CCSER1: variants seen among roughly 807,000 people sequenced by gnomAD.
CCSER1 encodes coiled-coil serine rich protein 1, also known as serine-rich coiled-coil domain-containing protein 1.
CCSER1 carries 41 observed loss-of-function variants against 82.0 expected under a neutral mutation model. That is an observed-to-expected ratio of 0.50 (90% CI 0.39 to 0.65). The LOEUF (loss-of-function observed/expected upper bound fraction) is 0.65, where lower values mean the gene tolerates loss of function less well. Ranked by LOEUF, CCSER1 falls within the 30% of genes least tolerant of loss-of-function variation. The pLI is 0.00. For synonymous variants in CCSER1, 414 were observed against 383.9 expected (o/e 1.08, Z -0.92); for missense variants, 1,119 against 1,064.2 (o/e 1.05, Z -0.72).
intron 1 of CCSER1, among the ~76,000 whole-genome samples, chr4:90,278,058 A>C (rs573516654): frequency 6.6e-6 from 1 of 152,166 alleles, no homozygotes; most frequent in South Asian, 2.1e-4. Flanking sequence ...CTTACAATGG[A>C]CCCACAAGCT....
chr4:91,477,370 G>T (rs763174618), intron 10 of CCSER1, among the ~76,000 whole-genome samples: 1 of 151,552 alleles, frequency 6.6e-6, no homozygotes, highest in African/African-American at 2.4e-5. Flanking sequence ...ACTGAATTTT[G>T]GTTCTAGACC....
In CCSER1 at chr4:90,309,607, A is replaced by G. The variant is rs1216255868; in HGVS notation, c.1323A>G (p.Lys441=). ...ATGGATATGAAGCAAATCCTGCCAA[A>G]GGTATGCTGATTTTTTTTGTATAAC... ...TSHGYEANPA[K]VLASSLSPFR... The change falls in exon 2 of 11, where the codon AAA becomes AAG. Residue 441 remains lysine (K), a splice_region_variant and synonymous_variant. Transcript: ENST00000509176. The G allele has an allele frequency of 1.3e-6, 2 of 1,553,982 alleles. No homozygotes were observed. The highest frequency in any genetic ancestry group is 1.7e-6 in the Non-Finnish European group (2 of 1,154,622).
At chr4:91,134,376 G>A (rs1280144081) in intron 10 of CCSER1, among the ~76,000 whole-genome samples, 3 of 151,152 alleles carry the variant, frequency 2.0e-5, no homozygotes, top group Non-Finnish European at 2.9e-5. Flanking sequence ...CTGCACTCCT[G>A]CAACATTTCA....
intron 10 of CCSER1, among the ~76,000 whole-genome samples, chr4:91,538,626 C>A (rs1415595504): frequency 1.4e-5 from 2 of 144,352 alleles, no homozygotes; most frequent in Non-Finnish European, 3.0e-5. Flanking sequence ...TTCTCCCTGC[C>A]CCAAACAATC....
At chr4:91,076,400 G>T (rs2148784793) in intron 9 of CCSER1, among the ~76,000 whole-genome samples, 1 of 151,522 alleles carries the variant, frequency 6.6e-6, no homozygotes, top group East Asian at 1.9e-4. Flanking sequence ...GAAGAATCAT[G>T]ATGATTCATA....
chr4:91,469,837 T>G (rs1371814014), intron 10 of CCSER1, among the ~76,000 whole-genome samples: 1 of 152,218 alleles, frequency 6.6e-6, no homozygotes, highest in Non-Finnish European at 1.5e-5. Context: ...GATTTCCCAG[T>G]GCCCTCTACT....
intron 5 of CCSER1, among the ~76,000 whole-genome samples, chr4:90,626,471 C>T (rs577478662): frequency 3.5e-4 from 54 of 152,222 alleles, no homozygotes; most frequent in African/African-American, 1.2e-3. Flanking sequence ...CTGTATAGTT[C>T]GTTGCAATTA....
intron 3 of CCSER1, among the ~76,000 whole-genome samples, chr4:90,323,414 G>C (rs922235286): frequency 6.6e-6 from 1 of 152,202 alleles, no homozygotes; most frequent in African/African-American, 2.4e-5. Flanking sequence ...CTGGAGCTCA[G>C]ATTCCTACCC....
intron 1 of CCSER1, among the ~76,000 whole-genome samples, chr4:90,150,099 T>C (rs1015225394): frequency 6.6e-5 from 10 of 152,140 alleles, no homozygotes; most frequent in Non-Finnish European, 1.0e-4. Flanking sequence ...CAAACATGGA[T>C]TGAATATATT....
chr4:90,842,233 ATTGT>A (rs796741211), intron 8 of CCSER1, among the ~76,000 whole-genome samples: 3 of 152,308 alleles, frequency 2.0e-5, no homozygotes, highest in South Asian at 2.1e-4. Context: ...TAAAATGACA[ATTGT>A]TTATTACATT....
At chr4:90,235,177 C>T (rs1745546691) in intron 1 of CCSER1, 1 of 152,586 alleles carries the variant, frequency 6.6e-6, no homozygotes, top group African/African-American at 2.4e-5. Context: ...ACTGCAAGCC[C>T]TGCTGCTGCC....
intron 7 of CCSER1, among the ~76,000 whole-genome samples, chr4:90,782,681 C>CTTTTTTTTTTTTTTTTTTTTTTTTTTTTT (rs200701722): frequency 8.1e-6 from 1 of 123,978 alleles, no homozygotes. Context: ...TCTTTTCTTT[C>CTTTTTTTTTTTTTTTTTTTTTTTTTTTTT]TTTCTTTTTT....
At chr4:90,799,539 G>T (rs144714890) in intron 7 of CCSER1, among the ~76,000 whole-genome samples, 1 of 152,106 alleles carries the variant, frequency 6.6e-6, no homozygotes, top group Non-Finnish European at 1.5e-5. Flanking sequence ...GAAGCTATGG[G>T]CTCCCAAGTA....
chr4:90,169,156 C>T (rs377005518), intron 1 of CCSER1, among the ~76,000 whole-genome samples: 1 of 151,928 alleles, frequency 6.6e-6, no homozygotes, highest in Non-Finnish European at 1.5e-5. Flanking sequence ...TTTCATTGAG[C>T]AGTGGTTTGT....
At chr4:90,844,231 GAA>G (rs1491235246) in intron 8 of CCSER1, among the ~76,000 whole-genome samples, 1 of 151,310 alleles carries the variant, frequency 6.6e-6, no homozygotes. Flanking sequence ...GAGAGAGAGA[GAA>G]AGAGAGGAAG....
At chr4:91,436,829 C>A (rs1754684797) in intron 10 of CCSER1, among the ~76,000 whole-genome samples, 1 of 152,090 alleles carries the variant, frequency 6.6e-6, no homozygotes, top group African/African-American at 2.4e-5. Context: ...CAGAGCAGGA[C>A]AAAAAGCACA....
intron 10 of CCSER1, among the ~76,000 whole-genome samples, chr4:91,380,213 T>C (rs1326021088): frequency 1.3e-5 from 2 of 152,222 alleles, no homozygotes; most frequent in East Asian, 3.8e-4. Context: ...CTGAGAATAA[T>C]ATATATTCTG....
At chr4:90,445,093 A>G (rs1000912883) in intron 4 of CCSER1, among the ~76,000 whole-genome samples, 3 of 152,026 alleles carry the variant, frequency 2.0e-5, no homozygotes, top group Admixed American at 6.6e-5. Flanking sequence ...AAAAAGCATT[A>G]GAAAGACTTG....
At chr4:91,361,605 CAA>C (rs2149312886) in intron 10 of CCSER1, among the ~76,000 whole-genome samples, 1 of 151,700 alleles carries the variant, frequency 6.6e-6, no homozygotes, top group Admixed American at 6.6e-5. Context: ...ATTGGGATTT[CAA>C]AGAGTGGAGG....
Sources: allele counts gnomAD v4.1 joint callset (sites outside exome capture counted in the v4.1 genomes callset), GRCh38; gene constraint gnomAD v4.1.1; transcripts MANE v1.5; gene names NCBI Gene and HGNC (gene_info 2026-07-23, HGNC 2026-07-21).